RAP1GAP2: variants seen among roughly 807,000 people sequenced by gnomAD.
RAP1GAP2 encodes the protein RAP1 GTPase activating protein 2, also known as rap1 GTPase-activating protein 2.
Under a neutral mutation model 95.0 loss-of-function variants are expected in RAP1GAP2, and 27 were observed. That is an observed-to-expected ratio of 0.28 (90% CI 0.21 to 0.39). The LOEUF (loss-of-function observed/expected upper bound fraction) is 0.39. Ranked by LOEUF, RAP1GAP2 falls within the 10% of genes least tolerant of loss-of-function variation. RAP1GAP2 has a pLI of 1.00. For missense variants in RAP1GAP2, 771 were observed against 970.0 expected, an observed-to-expected ratio of 0.79 and a Z score of 2.72; for synonymous variants, 373 against 380.9, an observed-to-expected ratio of 0.98 and a Z score of 0.24.
intron 3 of RAP1GAP2, among the ~76,000 whole-genome samples, chr17:2,943,532 G>A (rs544932648): frequency 2.0e-4 from 31 of 152,180 alleles, no homozygotes; most frequent in Admixed American, 7.8e-4. Context: ...GGGTGTGGTG[G>A]CACACGCCTG....
intron 13 of RAP1GAP2, among the ~76,000 whole-genome samples, chr17:2,997,922 CAAAAAAAAAAAAAAAA>C (rs1270859653): frequency 3.0e-5 from 2 of 67,732 alleles, no homozygotes; most frequent in Non-Finnish European, 6.0e-5. Context: ...GACCCTGTCT[CAAAAAAAAAAAAAAAA>C]GAAAAAAAAA....
In RAP1GAP2 at chr17:3,005,302, G is replaced by A. The variant is rs1251567455; in HGVS notation, c.1201-67G>A. ...GAAGGTGAGTAGCTTTGTAAGGAGC[G>A]TGGCTCCCGTAGGGGCAGCGCTCGT... On this transcript the variant is annotated intron_variant, in intron 14 of 24. Coordinates refer to ENST00000254695, the MANE Select transcript of RAP1GAP2 (RefSeq NM_015085.5). This position sits in a 1 kb window ranked among gnomAD's most constrained non-coding sequence, Gnocchi z 5.2. 46 of 1,450,198 alleles carry A rather than the reference G, an allele frequency of 3.2e-5. No homozygotes were observed. The South Asian group carries it at 3.2e-4, about 10-fold the overall frequency. The allele number at this position is 1,450,198 out of a possible 1,614,324, so 89.8% of individuals were successfully genotyped here.
intron 3 of RAP1GAP2, among the ~76,000 whole-genome samples, chr17:2,923,028 A>C (rs1339230199): frequency 3.6e-5 from 5 of 138,952 alleles, no homozygotes; most frequent in African/African-American, 8.0e-5. Flanking sequence ...GGCGTCCACC[A>C]CCACACCTGG....
chr17:2,944,248 T>C (rs1006662490), intron 3 of RAP1GAP2, among the ~76,000 whole-genome samples: 3 of 151,066 alleles, frequency 2.0e-5, no homozygotes, highest in Non-Finnish European at 4.4e-5. Flanking sequence ...TGTAACACTG[T>C]TGGTAGAAAT....
chr17:2,845,897 T>C (rs894399294), intron 2 of RAP1GAP2, among the ~76,000 whole-genome samples: 1 of 151,442 alleles, frequency 6.6e-6, no homozygotes, highest in African/African-American at 2.4e-5. Context: ...ATAAAATTTC[T>C]TATCAGCCGG....
intron 17 of RAP1GAP2, among the ~76,000 whole-genome samples, chr17:3,014,040 G>A (rs1030723884): frequency 1.3e-5 from 2 of 152,222 alleles, no homozygotes; most frequent in Non-Finnish European, 2.9e-5. Flanking sequence ...GAGAAATGAC[G>A]GGAATACGTC....
At chr17:2,937,619 G>C (rs563329320) in intron 3 of RAP1GAP2, among the ~76,000 whole-genome samples, 5 of 152,296 alleles carry the variant, frequency 3.3e-5, no homozygotes, top group African/African-American at 9.6e-5. Context: ...AAGGAGAGAA[G>C]GGCTCAGTAG....
At chr17:2,805,049 G>C (rs2069456310) in intron 2 of RAP1GAP2, among the ~76,000 whole-genome samples, 1 of 152,140 alleles carries the variant, frequency 6.6e-6, no homozygotes, top group Admixed American at 6.6e-5. Context: ...TGAGAGCAGG[G>C]GCTCTGTGCA....
At chr17:2,801,451 G>C (rs1300690279) in intron 2 of RAP1GAP2, among the ~76,000 whole-genome samples, 10 of 146,948 alleles carry the variant, frequency 6.8e-5, no homozygotes, top group Admixed American at 2.1e-4. Context: ...CTCCAGCCTG[G>C]GGGACAGAGT....
intron 2 of RAP1GAP2, among the ~76,000 whole-genome samples, chr17:2,878,553 A>C (rs987798901): frequency 6.6e-6 from 1 of 152,138 alleles, no homozygotes; most frequent in African/African-American, 2.4e-5. Context: ...ACCCCTTCCG[A>C]TCATGGCTTA....
chr17:2,892,170 T>C (rs1000417551), intron 2 of RAP1GAP2, among the ~76,000 whole-genome samples: 1 of 152,144 alleles, frequency 6.6e-6, no homozygotes, highest in African/African-American at 2.4e-5. Context: ...ATTTTCTCTC[T>C]GGTGTCACTG....
At chr17:2,772,979 C>G (rs988239800), upstream of RAP1GAP2, among the ~76,000 whole-genome samples, 7 of 151,874 alleles carry the variant, frequency 4.6e-5, no homozygotes, top group Non-Finnish European at 8.8e-5. Context: ...CTGCCTCAGC[C>G]TCCCTAGTAG....
chr17:3,009,376 G>T (rs575908669), intron 17 of RAP1GAP2, among the ~76,000 whole-genome samples: 1 of 152,314 alleles, frequency 6.6e-6, no homozygotes, highest in East Asian at 1.9e-4. Context: ...CTATTATTTG[G>T]GGTGTAATAA....
chr17:2,969,179 C>CTATCTATCTATCTATCTATCTATCTATA (rs1555581850), intron 8 of RAP1GAP2, among the ~76,000 whole-genome samples: 1 of 143,138 alleles, frequency 7.0e-6, no homozygotes, highest in Non-Finnish European at 1.6e-5. Context: ...ATCTATCTAT[C>CTATCTATCTATCTATCTATCTATCTATA]TATATATATA....
intron 2 of RAP1GAP2, among the ~76,000 whole-genome samples, chr17:2,823,238 T>C (rs994054261): frequency 5.9e-5 from 9 of 152,080 alleles, no homozygotes; most frequent in Admixed American, 4.6e-4. Flanking sequence ...AGGGAGTCAA[T>C]GGGCCCCCAC....
At position 2,857,748 on chromosome 17, in the gene RAP1GAP2, A is replaced by T. The variant is rs2072204391; in HGVS notation, c.81-47536A>T. On this transcript the variant is annotated intron_variant, in intron 2 of 24. Coordinates refer to ENST00000254695, the MANE Select transcript of RAP1GAP2 (RefSeq NM_015085.5). The surrounding 1 kb of genome is among the most constrained non-coding windows in gnomAD (Gnocchi z 4.0). ...GGGTAGTGGGGAGCTTGGCTCCCTG[A>T]GGGGGAAAACAGGCAGCTTTGCTGG... Among the ~76,000 whole-genome samples the T allele has an allele frequency of 6.6e-6, 1 of 152,160 alleles. No individual in the cohort carries two copies.
chr17:2,955,277 G>T (rs2044067976), intron 3 of RAP1GAP2, among the ~76,000 whole-genome samples: 1 of 152,192 alleles, frequency 6.6e-6, no homozygotes, highest in Admixed American at 6.5e-5. Flanking sequence ...TTTCTCCACA[G>T]CCTTGCTCAC....
intron 3 of RAP1GAP2, among the ~76,000 whole-genome samples, chr17:2,949,441 G>A (rs576777551): frequency 4.6e-5 from 7 of 151,774 alleles, no homozygotes; most frequent in Non-Finnish European, 8.8e-5. Flanking sequence ...AGCATTAACC[G>A]AGTGCCTGCT....
intron 2 of RAP1GAP2, among the ~76,000 whole-genome samples, chr17:2,861,738 C>T (rs1269798222): frequency 6.6e-6 from 1 of 152,136 alleles, no homozygotes; most frequent in Non-Finnish European, 1.5e-5. Flanking sequence ...CTCCCAGGTT[C>T]ATGCCATTCT....
Sources: allele counts gnomAD v4.1 joint callset (sites outside exome capture counted in the v4.1 genomes callset), GRCh38; gene constraint gnomAD v4.1.1; non-coding constraint Gnocchi (gnomAD v3.1); transcripts MANE v1.5; gene names NCBI Gene and HGNC (gene_info 2026-07-23, HGNC 2026-07-21).